AKAP10: variants seen among roughly 807,000 people sequenced by gnomAD.
AKAP10 encodes the protein A-kinase anchor protein 10, mitochondrial.
A neutral mutation model predicts 80.8 loss-of-function variants in AKAP10; 24 were observed. The observed-to-expected ratio is 0.30, with a 90% confidence interval of 0.22 to 0.42. The LOEUF is 0.42. AKAP10 is among the 10% of genes least tolerant of loss of function. The pLI is 1.00. For synonymous variants in AKAP10, 291 were observed against 277.7 expected (o/e 1.05, Z -0.48); for missense variants, 661 against 794.9 (o/e 0.83, Z 2.03).
intron 11 of AKAP10, among the ~76,000 whole-genome samples, chr17:19,920,775 A>G (rs1213402690): frequency 2.2e-5 from 3 of 138,780 alleles, no homozygotes; most frequent in African/African-American, 7.9e-5. Flanking sequence ...ACAGGGAGGT[A>G]GAGGTTGCAG....
intron 10 of AKAP10, among the ~76,000 whole-genome samples, chr17:19,928,975 A>T (rs1175351057): frequency 6.6e-6 from 1 of 152,178 alleles, no homozygotes. Flanking sequence ...AATTCAAATA[A>T]AATGTCATAA....
rs141314532 is a variant in AKAP10 at position 19,972,855 on chromosome 17, G to T, written c.89-4394C>A. On this transcript the variant is annotated intron_variant, in intron 1 of 14. Coordinates refer to ENST00000225737, the MANE Select transcript of AKAP10 (RefSeq NM_007202.4). ...CCCTTCCTATCCTGAGATCAGGATT[G>T]TTCCCCCTACCTGTTCTTCTACATG... is the stretch of plus-strand genomic sequence containing the variant. Among the ~76,000 whole-genome samples the T allele has an allele frequency of 2.6e-3, 402 of 152,248 alleles. 1 individual carries two copies. The highest frequency in any genetic ancestry group is 9.1e-3 in the African/African-American group (380 of 41,540).
intron 3 of AKAP10, among the ~76,000 whole-genome samples, chr17:19,961,121 C>T (rs112997230): frequency 0.019 from 2,824 of 150,642 alleles, 75 homozygotes; most frequent in African/African-American, 0.065. Context: ...GCAAGTGGAT[C>T]GCTTGATTCC....
intron 11 of AKAP10, among the ~76,000 whole-genome samples, chr17:19,921,388 T>A (rs962231711): frequency 2.0e-5 from 3 of 151,938 alleles, no homozygotes; most frequent in African/African-American, 7.2e-5. Context: ...GTGGTCTCGA[T>A]CTCTTGATCT....
intron 9 of AKAP10, chr17:19,935,958 C>A (rs1427320434): frequency 1.1e-5 from 2 of 178,732 alleles, no homozygotes; most frequent in Non-Finnish European, 2.3e-5. Context: ...TTGTTTTGTT[C>A]TTGGTTATTC....
chr17:19,938,234 C>T (rs1292575968), intron 8 of AKAP10, among the ~76,000 whole-genome samples: 1 of 88,678 alleles, frequency 1.1e-5, no homozygotes, highest in African/African-American at 4.8e-5. Context: ...AGACTGAAAA[C>T]CTATTTTTTT....
At position 19,927,015 on chromosome 17, in the gene AKAP10, C is replaced by T. The variant is rs150630954; in HGVS notation, c.1642-2498G>A. On this transcript the variant is annotated intron_variant, in intron 10 of 14. Coordinates refer to ENST00000225737, the MANE Select transcript of AKAP10 (RefSeq NM_007202.4). ...GTGGGTGCCTGTAATCCCAGCTACT[C>T]GGGAGGCTGAAGCAGGAAGACACTA... 5.0e-3 allele frequency among the ~76,000 whole-genome samples: 759 copies of T among 152,134 alleles called. 7 individuals are homozygous for T. Among genetic ancestry groups the T allele is most frequent in the African/African-American group, 0.018 (733 of 41,486 alleles).
intron 3 of AKAP10, among the ~76,000 whole-genome samples, chr17:19,961,178 CAAAAA>C (rs776903538): frequency 1.8e-5 from 1 of 55,506 alleles, no homozygotes; most frequent in African/African-American, 5.9e-5. Flanking sequence ...CCCGTCTCTA[CAAAAA>C]AAAAAAAAAA....
chr17:19,931,634 G>A (rs1396813986), intron 10 of AKAP10, among the ~76,000 whole-genome samples, 171 bp downstream of exon 10: 32 of 151,954 alleles, frequency 2.1e-4, no homozygotes, highest in Admixed American at 1.9e-3. Flanking sequence ...CGTGTGATCC[G>A]CCCACCGCAG....
intron 4 of AKAP10, among the ~76,000 whole-genome samples, chr17:19,953,241 G>T (rs2043235670): frequency 6.6e-6 from 1 of 151,830 alleles, no homozygotes; most frequent in African/African-American, 2.4e-5. Context: ...GAATTTGTGG[G>T]GGTGTAACTA....
At chr17:19,955,735 T>G (rs1488813114) in intron 4 of AKAP10, among the ~76,000 whole-genome samples, 1 of 152,064 alleles carries the variant, frequency 6.6e-6, no homozygotes, top group Non-Finnish European at 1.5e-5. Context: ...CTCAGGGGGC[T>G]GAGGCAAGAG....
chr17:19,974,136 G>C (rs1403164688), intron 1 of AKAP10, among the ~76,000 whole-genome samples: 1 of 152,052 alleles, frequency 6.6e-6, no homozygotes, highest in African/African-American at 2.4e-5. Flanking sequence ...AGGTTGCAGT[G>C]AGCCAAGATC....
At chr17:19,934,406 G>A (rs985267419) in intron 9 of AKAP10, among the ~76,000 whole-genome samples, 2 of 152,058 alleles carry the variant, frequency 1.3e-5, no homozygotes, top group African/African-American at 4.8e-5. Context: ...GGAGTGCAGG[G>A]GCATGAACAC....
chr17:19,910,991 G>C (rs1271630224), intron 12 of AKAP10, among the ~76,000 whole-genome samples: 1 of 152,124 alleles, frequency 6.6e-6, no homozygotes, highest in Non-Finnish European at 1.5e-5. Flanking sequence ...TCCTAACTTT[G>C]CTTTAAAACA....
chr17:19,950,300 T>G (rs1483212259), intron 4 of AKAP10, among the ~76,000 whole-genome samples: 1 of 152,000 alleles, frequency 6.6e-6, no homozygotes, highest in Non-Finnish European at 1.5e-5. Flanking sequence ...AAAAAGGGGC[T>G]CTCCCTCGTC....
chr17:19,949,488 T>A (rs1410150548), intron 4 of AKAP10, among the ~76,000 whole-genome samples: 1 of 152,120 alleles, frequency 6.6e-6, no homozygotes, highest in African/African-American at 2.4e-5. Context: ...ATTTAAAGAC[T>A]TAGCCGGGCG....
chr17:19,944,868 T>G (rs1044415633), intron 5 of AKAP10, among the ~76,000 whole-genome samples: 2 of 152,176 alleles, frequency 1.3e-5, no homozygotes, highest in African/African-American at 4.8e-5. Flanking sequence ...CAGTAATTAG[T>G]TAGCAACACC....
chr17:19,976,988 G>A (rs73296067), intron 1 of AKAP10, among the ~76,000 whole-genome samples: 21,310 of 152,160 alleles, frequency 0.14, 1,556 homozygotes, highest in African/African-American at 0.19. Context: ...AATACAACTG[G>A]AAATCAAAAA....
intron 5 of AKAP10, among the ~76,000 whole-genome samples, chr17:19,946,247 A>ATATATATAT (rs2043117198): frequency 2.6e-4 from 4 of 15,154 alleles, no homozygotes; most frequent in African/African-American, 1.2e-3. Flanking sequence ...TTATATATAT[A>ATATATATAT]TATATATATA....
Sources: allele counts gnomAD v4.1 joint callset (sites outside exome capture counted in the v4.1 genomes callset), GRCh38; gene constraint gnomAD v4.1.1; transcripts MANE v1.5; gene names NCBI Gene and HGNC (gene_info 2026-07-23, HGNC 2026-07-21).